Variants in SIAH3 observed in about 807,000 individuals in gnomAD.
SIAH3 encodes the protein siah E3 ubiquitin protein ligase family member 3, also known as seven in absentia homolog 3.
In SIAH3, 9 loss-of-function variants were observed where a neutral mutation model predicts 12.6. That is an observed-to-expected ratio of 0.72 (90% CI 0.43 to 1.25). The LOEUF is 1.25. Ranked by LOEUF, SIAH3 falls within the 50% of genes most tolerant of loss-of-function variation. SIAH3 has a pLI of 0.00. For synonymous variants in SIAH3, 154 were observed against 151.1 expected (o/e 1.02, Z -0.14); for missense variants, 390 against 365.4 (o/e 1.07, Z -0.55).
chr13:45,793,356 A>G (rs1214502802), intron 1 of SIAH3, among the ~76,000 whole-genome samples: 3 of 152,218 alleles, frequency 2.0e-5, no homozygotes, highest in South Asian at 2.1e-4. Context: ...AAATGTCATG[A>G]CCAGGAACTC....
intron 1 of SIAH3, among the ~76,000 whole-genome samples, chr13:45,786,050 A>G (rs950874739): frequency 5.3e-5 from 8 of 152,224 alleles, no homozygotes; most frequent in African/African-American, 1.9e-4. Flanking sequence ...TCCTTATTAA[A>G]AAATAAAAAT....
At chr13:45,808,361 GTGAGTGATAATC>G (rs1217487038) in intron 1 of SIAH3, among the ~76,000 whole-genome samples, 3 of 152,304 alleles carry the variant, frequency 2.0e-5, no homozygotes, top group African/African-American at 7.2e-5. Context: ...TCACTGAGCA[GTGAGTGATAATC>G]TGACATTTAT....
At chr13:45,818,631 G>A (rs777818325) in intron 1 of SIAH3, among the ~76,000 whole-genome samples, 1 of 152,208 alleles carries the variant, frequency 6.6e-6, no homozygotes, top group Non-Finnish European at 1.5e-5. Context: ...GCAATTTCAA[G>A]GCCAGCATCT....
chr13:45,808,989 T>A (rs1243516901), intron 1 of SIAH3, among the ~76,000 whole-genome samples: 1 of 152,240 alleles, frequency 6.6e-6, no homozygotes, highest in Non-Finnish European at 1.5e-5. Context: ...ATTTTCGCCT[T>A]CGGCAGTACA....
At chr13:45,812,385 G>A (rs1950619189) in intron 1 of SIAH3, among the ~76,000 whole-genome samples, 1 of 152,226 alleles carries the variant, frequency 6.6e-6, no homozygotes, top group Non-Finnish European at 1.5e-5. Context: ...GACACAGCCA[G>A]CAGAGGCTGG....
chr13:45,843,865 T>A (rs1950749432), intron 1 of SIAH3, among the ~76,000 whole-genome samples: 1 of 152,156 alleles, frequency 6.6e-6, no homozygotes, highest in Non-Finnish European at 1.5e-5. Context: ...TTGGTGCCGG[T>A]CATAATCCCA....
intron 1 of SIAH3, among the ~76,000 whole-genome samples, chr13:45,844,259 G>A (rs1466879789): frequency 6.6e-6 from 1 of 152,208 alleles, no homozygotes; most frequent in Non-Finnish European, 1.5e-5. Context: ...GTTTCCAGAG[G>A]AGGTTAGTGT....
chr13:45,851,509 T>C lies in SIAH3; in HGVS notation c.121A>G (p.Thr41Ala), dbSNP rs1480756752. ...AGQLVCVVNP[T>A]HNLKYVSSRR... ...CAGAGACTCACCTTTAGGTTGTGTG[T>C]GGGGTTGACGACACAGACAAGTTGC... Residue 41 changes from threonine (T) to alanine (A), a missense_variant, in exon 1 of 2, where the codon ACA becomes GCA. Physicochemically the swap from Thr to Ala is moderately conservative, Grantham distance 58 (BLOSUM62 0). Transcript: ENST00000400405. 1 of 1,613,834 alleles carries C rather than the reference T, an allele frequency of 6.2e-7. No individual in the cohort carries two copies. Among genetic ancestry groups the C allele is most frequent in the Non-Finnish European group, 8.5e-7 (1 of 1,180,018 alleles).
At chr13:45,802,870 A>G (rs926688586) in intron 1 of SIAH3, among the ~76,000 whole-genome samples, 2 of 151,972 alleles carry the variant, frequency 1.3e-5, no homozygotes, top group African/African-American at 2.4e-5. Context: ...TCAGGAGTTC[A>G]AGACCAGCCT....
chr13:45,826,405 A>ATGGGTGAGTGGCTGGG (rs1329847942), intron 1 of SIAH3, among the ~76,000 whole-genome samples: 10,711 of 87,552 alleles, frequency 0.12, 3,283 homozygotes, highest in Middle Eastern at 0.3. Flanking sequence ...GGATGGATGG[A>ATGGGTGAGTGGCTGGG]TGGATGGATG....
intron 1 of SIAH3, among the ~76,000 whole-genome samples, chr13:45,838,707 G>A (rs2137581518): frequency 6.6e-6 from 1 of 152,114 alleles, no homozygotes; most frequent in African/African-American, 2.4e-5. Context: ...TGCACCCCTT[G>A]GTGACTTTTC....
chr13:45,838,123 T>G (rs1950725328), intron 1 of SIAH3, among the ~76,000 whole-genome samples: 1 of 151,980 alleles, frequency 6.6e-6, no homozygotes, highest in Non-Finnish European at 1.5e-5. Flanking sequence ...TGGAGGGAGG[T>G]AAAGGGCAAG....
intron 1 of SIAH3, among the ~76,000 whole-genome samples, chr13:45,841,635 C>T (rs1393469587): frequency 2.0e-5 from 3 of 152,170 alleles, no homozygotes; most frequent in Admixed American, 6.5e-5. Context: ...CTAAATAATC[C>T]ACAAAGAACC....
chr13:45,844,988 C>T (rs139454236), intron 1 of SIAH3, among the ~76,000 whole-genome samples: 31 of 152,244 alleles, frequency 2.0e-4, no homozygotes, highest in African/African-American at 7.2e-4. Context: ...ACGACTGTTT[C>T]GAAGATTATA....
chr13:45,801,281 G>T (rs543319597), intron 1 of SIAH3, among the ~76,000 whole-genome samples: 3 of 152,196 alleles, frequency 2.0e-5, no homozygotes, highest in Non-Finnish European at 4.4e-5. Flanking sequence ...ACTTGAAATG[G>T]GTCAGAAACA....
intron 1 of SIAH3, among the ~76,000 whole-genome samples, chr13:45,812,229 A>T (rs537618072): frequency 6.6e-6 from 1 of 152,300 alleles, no homozygotes; most frequent in South Asian, 2.1e-4. Context: ...CATGCTTTCC[A>T]GTTTTCAAGG....
chr13:45,831,144 A>C (rs1950697492), intron 1 of SIAH3, among the ~76,000 whole-genome samples: 1 of 151,918 alleles, frequency 6.6e-6, no homozygotes, highest in African/African-American at 2.4e-5. Flanking sequence ...GGGCCACTGC[A>C]CTCCAGCCTG....
intron 1 of SIAH3, among the ~76,000 whole-genome samples, chr13:45,826,282 A>G (rs1950674324): frequency 6.6e-6 from 1 of 152,116 alleles, no homozygotes; most frequent in African/African-American, 2.4e-5. Context: ...TTCAAAGCTT[A>G]GGATGATGCT....
At position 45,778,742 on chromosome 13, in the gene SIAH3, A is replaced by C. The variant is rs536655111; in HGVS notation, c.*4641T>G. ...CAACTGTGAATCAAGAATATTCAGGAAAAAAAAAAGAAATAATACAACAAT... is the reference window on the plus strand; with the variant it reads ...CAACTGTGAATCAAGAATATTCAGGCAAAAAAAAAGAAATAATACAACAAT... On this transcript the variant is annotated 3_prime_UTR_variant, in exon 2 of 2. Transcript: ENST00000400405. The C allele has an allele frequency of 6.7e-6, 1 of 150,268 alleles. No homozygotes were observed. Among genetic ancestry groups the C allele is most frequent in the East Asian group, 2.0e-4 (1 of 5,128 alleles). 9.3% of individuals were successfully genotyped at this position (150,268 alleles called of 1,614,324 possible).
Sources: allele counts gnomAD v4.1 joint callset (sites outside exome capture counted in the v4.1 genomes callset), GRCh38; gene constraint gnomAD v4.1.1; transcripts MANE v1.5; gene names NCBI Gene and HGNC (gene_info 2026-07-23, HGNC 2026-07-21).